The following NR2C1 variants were observed in gnomAD, a reference collection of about 807,000 sequenced individuals.
The protein encoded by NR2C1 is nuclear receptor subfamily 2 group C member 1.
A neutral mutation model predicts 74.8 loss-of-function variants in NR2C1; 33 were observed. That is an observed-to-expected ratio of 0.44 (90% confidence interval 0.33 to 0.59). NR2C1 has a LOEUF of 0.59. Ranked by LOEUF, NR2C1 falls within the 20% of genes least tolerant of loss-of-function variation. NR2C1 has a pLI of 0.02. For missense variants in NR2C1, 568 were observed against 715.6 expected (o/e 0.79, Z 2.35); for synonymous variants, 225 against 240.6 (o/e 0.94, Z 0.60).
At chr12:95,059,854 T>C (rs1874484725) in intron 4 of NR2C1, 52 bp downstream of exon 4, 2 of 1,275,008 alleles carry the variant, frequency 1.6e-6, no homozygotes, top group Non-Finnish European at 1.1e-6. Flanking sequence ...ACACGACACA[T>C]ATAGGAGGTT....
At chr12:95,061,229 T>C (rs775438902) in intron 3 of NR2C1, among the ~76,000 whole-genome samples, 10 of 152,168 alleles carry the variant, frequency 6.6e-5, no homozygotes, top group Non-Finnish European at 1.0e-4. Context: ...TGCAATAAGG[T>C]ATCCTGGATG....
intron 1 of NR2C1, among the ~76,000 whole-genome samples, chr12:95,071,337 G>A (rs1057150195): frequency 2.0e-5 from 3 of 152,126 alleles, no homozygotes; most frequent in Non-Finnish European, 4.4e-5. Context: ...AATACTGTCT[G>A]TAAAATTTTA....
intron 1 of NR2C1, among the ~76,000 whole-genome samples, chr12:95,071,178 G>T (rs1247913776): frequency 7.0e-6 from 1 of 143,352 alleles, no homozygotes; most frequent in African/African-American, 2.6e-5. Flanking sequence ...TCCAGCTTGG[G>T]AAACAAGGGC....
chr12:95,031,502 T>C lies in NR2C1; in HGVS notation c.1254-14A>G. 1 of 1,568,444 alleles carries C rather than the reference T, an allele frequency of 6.4e-7. No homozygotes were observed. The highest frequency in any genetic ancestry group is 8.6e-7 in the Non-Finnish European group (1 of 1,162,202). On this transcript the variant is annotated splice_polypyrimidine_tract_variant and intron_variant, in intron 10 of 13. Transcript: ENST00000333003. Reference sequence around the variant, plus strand: ...CTGTTTTCTTGCCTATTAAAAACAGTAATAAAAGCACAAATCAGATATTAT... The same window carrying C: ...CTGTTTTCTTGCCTATTAAAAACAGCAATAAAAGCACAAATCAGATATTAT...
rs758282144 is a variant in NR2C1, at chr12:95,049,048, A to G, written c.1131+20T>C. The G allele has an allele frequency of 6.3e-5, 101 of 1,607,038 alleles. No individual in the cohort carries two copies. The highest frequency in any genetic ancestry group is 8.3e-5 in the Non-Finnish European group (97 of 1,175,684). ...ATCAAGCAACACAACATACAAGTTA[A>G]AAAAAACATATAGAAATACCCTGAA... On this transcript the variant is annotated intron_variant, in intron 9 of 13. Transcript: ENST00000333003.
chr12:95,023,099 C>T (rs1868954841), intron 13 of NR2C1, among the ~76,000 whole-genome samples: 1 of 151,882 alleles, frequency 6.6e-6, no homozygotes, highest in Admixed American at 6.6e-5. Flanking sequence ...CGAGACCAGC[C>T]TGGCCAACAT....
At chr12:95,028,074 T>C (rs910961673) in intron 12 of NR2C1, 2 of 194,516 alleles carry the variant, frequency 1.0e-5, no homozygotes, top group African/African-American at 2.4e-5. Context: ...ATCATATGTA[T>C]ATATTAAATT....
intron 1 of NR2C1, among the ~76,000 whole-genome samples, chr12:95,070,927 C>T (rs60745517): frequency 0.12 from 17,658 of 152,206 alleles, 1,600 homozygotes; most frequent in African/African-American, 0.25. Context: ...AAGCCAGGGG[C>T]GATGGCTCAC....
rs137868400 is a variant in NR2C1 at position 95,049,000 on chromosome 12, T to G, written c.1131+68A>C. 2.7e-5 allele frequency: 38 copies of G among 1,394,598 alleles called. No individual in the cohort carries two copies. The African/African-American group carries it at 5.2e-4, about 19-fold the overall frequency. 86.4% of individuals were successfully genotyped at this position (1,394,598 alleles called of 1,614,324 possible). On this transcript the variant is annotated intron_variant, in intron 9 of 13. Coordinates refer to ENST00000333003, the MANE Select transcript of NR2C1 (RefSeq NM_003297.4). ...CTTTAAAAGCACAACAAACATACTTTGATTTTTGAAAGGTAGATCAAAATC... is the reference window on the plus strand; with the variant it reads ...CTTTAAAAGCACAACAAACATACTTGGATTTTTGAAAGGTAGATCAAAATC...
At chr12:95,035,178 G>A (rs1292593462) in intron 10 of NR2C1, among the ~76,000 whole-genome samples, 1 of 152,118 alleles carries the variant, frequency 6.6e-6, no homozygotes, top group African/African-American at 2.4e-5. Context: ...CAAAGAATAG[G>A]ATGTGTAAAT....
intron 7 of NR2C1, among the ~76,000 whole-genome samples, chr12:95,056,794 TAAAAATAC>T (rs1445879721): frequency 6.6e-6 from 1 of 151,906 alleles, no homozygotes. Context: ...CCGTCTCTAC[TAAAAATAC>T]AAAAAAATTA....
intron 2 of NR2C1, among the ~76,000 whole-genome samples, chr12:95,063,841 C>A (rs1320008176): frequency 6.6e-6 from 1 of 150,716 alleles, no homozygotes; most frequent in African/African-American, 2.4e-5. Flanking sequence ...CCCAGCCTGG[C>A]CAAAATGACG....
intron 10 of NR2C1, among the ~76,000 whole-genome samples, chr12:95,033,237 G>A (rs1414262661): frequency 6.6e-6 from 1 of 151,612 alleles, no homozygotes; most frequent in African/African-American, 2.4e-5. Flanking sequence ...AAAAAAAGGG[G>A]AAATAACAAA....
chr12:95,065,949 CAAAA>C (rs35546696), intron 2 of NR2C1, among the ~76,000 whole-genome samples: 1 of 111,788 alleles, frequency 8.9e-6, no homozygotes. Context: ...GACTTTGTCT[CAAAA>C]AAAAAAAAAA....
intron 2 of NR2C1, among the ~76,000 whole-genome samples, chr12:95,064,809 A>G (rs1275613920): frequency 6.6e-6 from 1 of 152,228 alleles, no homozygotes; most frequent in Non-Finnish European, 1.5e-5. Context: ...CCAAAATTCC[A>G]ATCCTGTTCC....
chr12:95,041,368 G>C (rs1416271775), intron 9 of NR2C1, among the ~76,000 whole-genome samples: 4 of 152,168 alleles, frequency 2.6e-5, no homozygotes, highest in African/African-American at 9.6e-5. Flanking sequence ...AGCAGTCCCA[G>C]CTACCCGGGA....
At chr12:95,031,702 G>A (rs1284286405) in intron 10 of NR2C1, among the ~76,000 whole-genome samples, 1 of 152,126 alleles carries the variant, frequency 6.6e-6, no homozygotes, top group Non-Finnish European at 1.5e-5. Context: ...CAATCAGCCA[G>A]TTTATAAGAA....
chr12:95,034,835 G>A (rs1228454682), intron 10 of NR2C1, among the ~76,000 whole-genome samples: 1 of 152,064 alleles, frequency 6.6e-6, no homozygotes, highest in Non-Finnish European at 1.5e-5. Flanking sequence ...ATGTGTAGTA[G>A]GTTTGTGTAA....
chr12:95,038,501 TA>T, intron 10 of NR2C1, among the ~76,000 whole-genome samples: 1 of 152,258 alleles, frequency 6.6e-6, no homozygotes, highest in East Asian at 1.9e-4. Flanking sequence ...CTCACGCCTA[TA>T]ACACCAGCAC....
Sources: gnomAD v4.1 joint callset for allele counts (sites outside exome capture counted in the v4.1 genomes callset) on GRCh38, gnomAD v4.1.1 for gene constraint, MANE v1.5 for transcripts, NCBI Gene and HGNC (gene_info 2026-07-23, HGNC 2026-07-21) for gene names.